Variants in STK39 observed in about 807,000 individuals in gnomAD.
STK39 encodes STE20/SPS1-related proline-alanine-rich protein kinase.
Under a neutral mutation model 77.8 loss-of-function variants are expected in STK39, and 20 were observed. That is an observed-to-expected ratio of 0.26 (90% CI 0.18 to 0.37). STK39 has a LOEUF of 0.37. Among genes scored for constraint, STK39 ranks in the 10% least tolerant of loss-of-function variants. The probability of loss-of-function intolerance (pLI) is 1.00; values close to 1 mark genes in which losing one functional copy is unlikely to be tolerated. For missense variants in STK39, 479 were observed against 656.5 expected, an observed-to-expected ratio of 0.73 and a Z score of 2.95; for synonymous variants, 246 against 234.1, an observed-to-expected ratio of 1.05 and a Z score of -0.47.
chr2:168,237,075 T>C (rs1690633576), intron 1 of STK39, among the ~76,000 whole-genome samples: 1 of 152,190 alleles, frequency 6.6e-6, no homozygotes, highest in Non-Finnish European at 1.5e-5. Context: ...TTCCTATCCA[T>C]GAGCATGGAA....
chr2:168,019,970 G>A (rs1684530762), intron 14 of STK39, among the ~76,000 whole-genome samples: 1 of 152,146 alleles, frequency 6.6e-6, no homozygotes, highest in South Asian at 2.1e-4. Flanking sequence ...CTCCCAAAGT[G>A]TTGGGATTAC....
At chr2:168,152,277 C>G (rs1277486631) in intron 5 of STK39, among the ~76,000 whole-genome samples, 1 of 152,204 alleles carries the variant, frequency 6.6e-6, no homozygotes, top group Non-Finnish European at 1.5e-5. Flanking sequence ...TTTAAAGATG[C>G]TCTGGTAAAA....
At chr2:168,056,501 T>G (rs1426618739) in intron 14 of STK39, among the ~76,000 whole-genome samples, 5 of 152,106 alleles carry the variant, frequency 3.3e-5, no homozygotes, top group Non-Finnish European at 7.3e-5. Flanking sequence ...TGGCCTGAAC[T>G]AAAGTCTCCT....
chr2:168,054,049 G>T (rs1685462196), intron 14 of STK39, among the ~76,000 whole-genome samples: 1 of 152,198 alleles, frequency 6.6e-6, no homozygotes, highest in African/African-American at 2.4e-5. Context: ...AGCATCTTTA[G>T]CATCTCCTCC....
At chr2:168,140,189 C>T (rs1687944418) in intron 7 of STK39, 100 bp downstream of exon 7, 2 of 1,044,784 alleles carry the variant, frequency 1.9e-6, no homozygotes, top group East Asian at 4.9e-5. Flanking sequence ...ATTAATTCTC[C>T]TCGGGTCTAA....
intron 14 of STK39, among the ~76,000 whole-genome samples, chr2:168,021,664 T>A (rs925222985): frequency 6.6e-6 from 1 of 152,202 alleles, no homozygotes; most frequent in Non-Finnish European, 1.5e-5. Flanking sequence ...CGGCTGCCTT[T>A]GATAATTTTT....
chr2:168,195,391 C>T (rs552944461), intron 1 of STK39, among the ~76,000 whole-genome samples: 1 of 151,968 alleles, frequency 6.6e-6, no homozygotes, highest in Admixed American at 6.5e-5. Flanking sequence ...CAGAGCAAGA[C>T]CATGTCTCAA....
At position 168,182,110 on chromosome 2, in the gene STK39, AC is replaced by A; in HGVS notation, c.209-21del. 6.2e-7 allele frequency: 1 copy of A among 1,602,610 alleles called. No homozygotes were observed. The highest frequency in any genetic ancestry group is 8.5e-7 in the Non-Finnish European group (1 of 1,169,704). Reference sequence around the variant, plus strand: ...CACTGCCTGCAATGAAATAAAAACAACATCAGCGATCAAATGGCACACTGTG... The same window carrying A: ...CACTGCCTGCAATGAAATAAAAACAAATCAGCGATCAAATGGCACACTGTG... On this transcript the variant is annotated intron_variant, in intron 1 of 17. Coordinates refer to ENST00000355999, the MANE Select transcript of STK39 (RefSeq NM_013233.3).
At chr2:168,092,084 T>C (rs1249480649) in intron 10 of STK39, among the ~76,000 whole-genome samples, 1 of 152,230 alleles carries the variant, frequency 6.6e-6, no homozygotes, top group African/African-American at 2.4e-5. Context: ...ACCATTGTTG[T>C]CAGGGTCTCT....
intron 10 of STK39, among the ~76,000 whole-genome samples, chr2:168,090,471 G>A (rs1686489545): frequency 1.3e-5 from 2 of 152,178 alleles, no homozygotes; most frequent in African/African-American, 4.8e-5. Context: ...TGAAGAAAAA[G>A]AAAAGTAAAG....
chr2:168,242,670 CGGA>C (rs1285137712), intron 1 of STK39, among the ~76,000 whole-genome samples: 15 of 145,902 alleles, frequency 1.0e-4, no homozygotes, highest in Non-Finnish European at 2.1e-4. Flanking sequence ...CATCGCTGAG[CGGA>C]GGAGTTCAAG....
At chr2:168,106,975 T>C (rs1414047161) in intron 10 of STK39, among the ~76,000 whole-genome samples, 5 of 152,220 alleles carry the variant, frequency 3.3e-5, no homozygotes, top group Non-Finnish European at 7.3e-5. Flanking sequence ...AAAAAATGTT[T>C]TGAAGATTGC....
At chr2:168,140,267 T>A (rs762290459) in intron 7 of STK39, 22 bp downstream of exon 7, 1 of 1,552,470 alleles carries the variant, frequency 6.4e-7, no homozygotes, top group African/African-American at 1.4e-5. Flanking sequence ...AACCCCGATG[T>A]AGTATTTCCA....
Position 168,055,888 on chromosome 2 carries a change from A to T in STK39, c.1376+7612T>A, listed in dbSNP as rs979330390. Among the ~76,000 whole-genome samples, 16 of 152,242 alleles carry T rather than the reference A, an allele frequency of 1.1e-4. 1 individual carries two copies. Among genetic ancestry groups the T allele is most frequent in the Non-Finnish European group, 1.9e-4 (13 of 68,040 alleles). Reference sequence around the variant, plus strand: ...CATCTACTGACAGTATATAAATTACAAGGTGGCCCACTTGGTATTTTTCTC... The same window carrying T: ...CATCTACTGACAGTATATAAATTACTAGGTGGCCCACTTGGTATTTTTCTC... On this transcript the variant is annotated intron_variant, in intron 14 of 17. Transcript: ENST00000355999.
At chr2:168,131,559 C>T (rs542418175) in intron 8 of STK39, among the ~76,000 whole-genome samples, 2 of 152,238 alleles carry the variant, frequency 1.3e-5, no homozygotes, top group South Asian at 2.1e-4. Flanking sequence ...TCTACAGGGG[C>T]CCCAGAAACT....
At chr2:168,004,681 C>T (rs969775544) in intron 16 of STK39, among the ~76,000 whole-genome samples, 4 of 147,776 alleles carry the variant, frequency 2.7e-5, no homozygotes, top group Non-Finnish European at 4.5e-5. Flanking sequence ...TGCAGTCAGC[C>T]GAGATTGCAC....
intron 17 of STK39, chr2:167,964,417 T>C (rs1466753495): frequency 9.4e-6 from 4 of 426,896 alleles, no homozygotes; most frequent in Non-Finnish European, 1.7e-5. Context: ...GATTCTTATA[T>C]GGCCGCTCTT....
intron 14 of STK39, among the ~76,000 whole-genome samples, chr2:168,037,299 C>A (rs1285576696): frequency 1.3e-5 from 2 of 152,084 alleles, no homozygotes; most frequent in Non-Finnish European, 2.9e-5. Flanking sequence ...AAGAGGAAAC[C>A]AAATGATAGC....
At chr2:168,204,786 T>C (rs1420368909) in intron 1 of STK39, among the ~76,000 whole-genome samples, 2 of 152,238 alleles carry the variant, frequency 1.3e-5, no homozygotes, top group Non-Finnish European at 2.9e-5. Flanking sequence ...CTATCTCAAA[T>C]GCTAATAATG....
Sources: gnomAD v4.1 joint callset for allele counts (sites outside exome capture counted in the v4.1 genomes callset) on GRCh38, gnomAD v4.1.1 for gene constraint, MANE v1.5 for transcripts, NCBI Gene and HGNC (gene_info 2026-07-23, HGNC 2026-07-21) for gene names.